The following UCN3 variants were observed in gnomAD, a reference collection of about 807,000 sequenced individuals.
UCN3 encodes the protein urocortin 3.
A neutral mutation model predicts 3.6 loss-of-function variants in UCN3; 3 were observed. That is an observed-to-expected ratio of 0.83 (90% confidence interval 0.38 to 2.15). The LOEUF (loss-of-function observed/expected upper bound fraction) is 2.15. UCN3 is among the 30% of genes most tolerant of loss of function. UCN3 has a pLI of 0.06. For synonymous variants in UCN3, 100 were observed against 93.2 expected (o/e 1.07, Z -0.42); for missense variants, 206 against 208.3 (o/e 0.99, Z 0.07).
chr10:5,369,899 ATATGTG>A (rs1831319684), intron 1 of UCN3, among the ~76,000 whole-genome samples: 2 of 88,080 alleles, frequency 2.3e-5, no homozygotes, highest in African/African-American at 1.1e-4. Flanking sequence ...GTGTGTGTGT[ATATGTG>A]TGTGTGTATA....
At position 5,365,591 on chromosome 10, in the gene UCN3, G is replaced by A. The variant is rs1482150153; in HGVS notation, c.-7+361G>A. Among the ~76,000 whole-genome samples the A allele has an allele frequency of 6.6e-6, 1 of 152,212 alleles. No homozygotes were observed. The highest frequency in any genetic ancestry group is 1.5e-5 in the Non-Finnish European group (1 of 68,038). On this transcript the variant is annotated intron_variant, in intron 1 of 1. Coordinates refer to ENST00000380433, the MANE Select transcript of UCN3 (RefSeq NM_053049.4). This position sits in a 1 kb window ranked among gnomAD's most constrained non-coding sequence, Gnocchi z 4.4. ...ACAGTTTACAAATGGGGATGGGGTA[G>A]GGATGCCGGGGCTAATGGGAGCCAC...
Position 5,365,968 on chromosome 10 carries a change from A to C in UCN3, c.-7+738A>C, listed in dbSNP as rs1205809834. The stretch of plus-strand genomic sequence containing the variant: ...ATGTTTTCTGAAAATTCCTGTTCGC[A>C]ATTTCTTTCCCAAGCATAGCCACCT... On this transcript the variant is annotated intron_variant, in intron 1 of 1. Transcript: ENST00000380433. The surrounding 1 kb of genome is among the most constrained non-coding windows in gnomAD (Gnocchi z 4.4). 2.0e-5 allele frequency among the ~76,000 whole-genome samples: 3 copies of C among 152,306 alleles called. No homozygotes were observed. The East Asian group carries it at 5.8e-4, about 29-fold the overall frequency.
Position 5,367,668 on chromosome 10 carries a change from G to A in UCN3, c.-7+2438G>A, listed in dbSNP as rs1834129359. On this transcript the variant is annotated intron_variant, in intron 1 of 1. Coordinates refer to ENST00000380433, the MANE Select transcript of UCN3 (RefSeq NM_053049.4). This position sits in a 1 kb window ranked among gnomAD's most constrained non-coding sequence, Gnocchi z 4.3. ...AAAGTGTCTTTAAGGGGTGGAGATA[G>A]ACAGGTAAACTCAAGTGTTGATTTA... Among the ~76,000 whole-genome samples the A allele has an allele frequency of 6.6e-6, 1 of 152,176 alleles. No individual in the cohort carries two copies. The highest frequency in any genetic ancestry group is 2.1e-4 in the South Asian group (1 of 4,832).
chr10:5,365,951 T>C lies in UCN3; in HGVS notation c.-7+721T>C, dbSNP rs1554810674. On this transcript the variant is annotated intron_variant, in intron 1 of 1. Transcript: ENST00000380433. This position sits in a 1 kb window ranked among gnomAD's most constrained non-coding sequence, Gnocchi z 4.4. ...ATGGATGTTTGATGTTTATGTTTTCTGAAAATTCCTGTTCGCAATTTCTTT... is the reference window on the plus strand; with the variant it reads ...ATGGATGTTTGATGTTTATGTTTTCCGAAAATTCCTGTTCGCAATTTCTTT... Among the ~76,000 whole-genome samples the C allele has an allele frequency of 6.6e-6, 1 of 152,236 alleles. No homozygotes were observed. The highest frequency in any genetic ancestry group is 1.5e-5 in the Non-Finnish European group (1 of 68,042).
rs1363968141 is a variant in UCN3 at position 5,369,976 on chromosome 10, TGC to T, written c.-6-3737_-6-3736del. Among the ~76,000 whole-genome samples, 10 of 124,936 alleles carry T rather than the reference TGC, an allele frequency of 8.0e-5. 1 individual carries two copies. The highest frequency in any genetic ancestry group is 5.5e-4 in the South Asian group (2 of 3,608). 82.0% of individuals were successfully genotyped at this position (124,936 alleles called of 152,430 possible). A position where few individuals can be genotyped will look rare whatever the true frequency, so the allele number is the denominator to read the frequency against. ...ATGTGTGTGTATATGCGTGTGTATA[TGC>T]GTGTGTATATGTGTGTATGTGTGTG... On this transcript the variant is annotated intron_variant, in intron 1 of 1. Coordinates refer to ENST00000380433, the MANE Select transcript of UCN3 (RefSeq NM_053049.4).
intron 1 of UCN3, among the ~76,000 whole-genome samples, chr10:5,370,850 C>CGCATGTGTGTGCGTGTGTGT (rs782178660): frequency 6.3e-5 from 4 of 63,652 alleles, no homozygotes; most frequent in African/African-American, 1.2e-4. Flanking sequence ...CGTGTGTGTG[C>CGCATGTGTGTGCGTGTGTGT]GCGTGTGTGT....
rs1564442093 is a variant in UCN3 at position 5,369,927 on chromosome 10, G to GTGTGTGTA, written c.-6-3781_-6-3780insATGTGTGT. On this transcript the variant is annotated intron_variant, in intron 1 of 1. Coordinates refer to ENST00000380433, the MANE Select transcript of UCN3 (RefSeq NM_053049.4). ...TGTGTGTGTGTATATGTGTGTGTATGTGTGTGTGTGTATGTGTGTGTATAT... is the reference window on the plus strand; with the variant it reads ...TGTGTGTGTGTATATGTGTGTGTATGTGTGTGTATGTGTGTGTGTATGTGTGTGTATAT... Among the ~76,000 whole-genome samples the GTGTGTGTA allele has an allele frequency of 5.3e-4, 33 of 62,012 alleles. 9 individuals carry two copies. The highest frequency in any genetic ancestry group is 3.3e-3 in the Admixed American group (15 of 4,530). 40.7% of individuals were successfully genotyped at this position (62,012 alleles called of 152,430 possible). A position where few individuals can be genotyped will look rare whatever the true frequency, so the allele number is the denominator to read the frequency against.
intron 1 of UCN3, among the ~76,000 whole-genome samples, chr10:5,373,007 T>C (rs1554811682): frequency 6.6e-6 from 1 of 152,064 alleles, no homozygotes; most frequent in East Asian, 1.9e-4. Flanking sequence ...ATCTTAGAGA[T>C]CATAGACAGT....
At chr10:5,369,634 C>G (rs555786525) in intron 1 of UCN3, among the ~76,000 whole-genome samples, 1 of 152,304 alleles carries the variant, frequency 6.6e-6, no homozygotes, top group East Asian at 1.9e-4. Flanking sequence ...TAGGTTTGGA[C>G]TATTTAAAGC....
rs1185654505 is a variant in UCN3 at position 5,374,089 on chromosome 10, C to T, written c.369C>T (p.Ser123=). The T allele has an allele frequency of 6.2e-7, 1 of 1,613,654 alleles. No homozygotes were observed. Among genetic ancestry groups the T allele is most frequent in the African/African-American group, 1.3e-5 (1 of 74,844 alleles). The part of the protein sequence containing the change: ...KSPHRTKFTL[S]LDVPTNIMNL... ...CCCACCGCACCAAGTTCACCCTGTC[C>T]CTCGACGTCCCCACCAACATCATGA... Residue 123 remains serine, a synonymous_variant, in exon 2 of 2, where the codon TCC becomes TCT. Transcript: ENST00000380433.
intron 1 of UCN3, among the ~76,000 whole-genome samples, chr10:5,368,936 G>A (rs1268262350): frequency 6.6e-6 from 1 of 152,178 alleles, no homozygotes; most frequent in African/African-American, 2.4e-5. Flanking sequence ...TTCTCAGAGT[G>A]TGGCCCTCAG....
At chr10:5,370,437 GCGTGTGTA>G (rs1831364342) in intron 1 of UCN3, among the ~76,000 whole-genome samples, 1 of 110,844 alleles carries the variant, frequency 9.0e-6, no homozygotes, top group Admixed American at 1.0e-4. Context: ...GTGTGTATAT[GCGTGTGTA>G]TGTGTGTGTG....
intron 1 of UCN3, 121 bp from the exon 2 acceptor site, chr10:5,373,594 G>T: frequency 6.9e-7 from 1 of 1,457,388 alleles, no homozygotes; most frequent in Non-Finnish European, 9.2e-7. Context: ...TGGTCTGGGG[G>T]TCATACTTGG....
chr10:5,370,824 CGCGCGTGTGTGTGCGCGTGTGTGT>C (rs1355556540), intron 1 of UCN3, among the ~76,000 whole-genome samples: 40 of 82,968 alleles, frequency 4.8e-4, no homozygotes, highest in Middle Eastern at 0.012. Flanking sequence ...CGTGTGTGTG[CGCGCGTGTGTGTGCGCGTGTGTGT>C]GCGCGTGTGT....
intron 1 of UCN3, among the ~76,000 whole-genome samples, chr10:5,370,349 A>ATATGTGTGTG (rs1831357415): frequency 2.9e-5 from 1 of 34,206 alleles, no homozygotes; most frequent in Non-Finnish European, 5.0e-5. Flanking sequence ...ATGCGTGTGT[A>ATATGTGTGTG]TATGTGTGTG....
chr10:5,373,037 G>A (rs1016440094), intron 1 of UCN3, among the ~76,000 whole-genome samples: 12 of 152,036 alleles, frequency 7.9e-5, no homozygotes, highest in Admixed American at 4.6e-4. Context: ...GAGGTCCTGC[G>A]GTTGGAGGAC....
rs1411459934 is a variant in UCN3, at chr10:5,370,088, TGC to T, written c.-6-3625_-6-3624del. 4.5e-4 allele frequency among the ~76,000 whole-genome samples: 51 copies of T among 112,964 alleles called. 6 individuals are homozygous for T. The highest frequency in any genetic ancestry group is 0.011 in the Middle Eastern group (2 of 188). The allele number at this position is 112,964 out of a possible 152,430, so 74.1% of individuals were successfully genotyped here. ...ATATGTGTGTATATGCGTGTGTATATGCGTGTGTATATGCGTGTGTATATGTG... is the reference window on the plus strand; with the variant it reads ...ATATGTGTGTATATGCGTGTGTATATGTGTGTATATGCGTGTGTATATGTG... On this transcript the variant is annotated intron_variant, in intron 1 of 1. Coordinates refer to ENST00000380433, the MANE Select transcript of UCN3 (RefSeq NM_053049.4).
Position 5,373,782 on chromosome 10 carries a change from G to T in UCN3, c.62G>T (p.Gly21Val). 2 of 1,613,872 alleles carry T rather than the reference G, an allele frequency of 1.2e-6. No homozygotes were observed. The highest frequency in any genetic ancestry group is 8.5e-7 in the Non-Finnish European group (1 of 1,179,914). Residue 21 changes from glycine (G) to valine (V), a missense_variant, in exon 2 of 2, where the codon GGC becomes GTC. Physicochemically the swap from Gly to Val is moderately radical, Grantham distance 109. Transcript: ENST00000380433. ...LLLLLGGPRT[G>V]LPHKFYKAKP... ...CTGCTCCTGGGGGGCCCCAGGACAG[G>T]CCTCCCCCACAAGTTCTACAAAGCC...
intron 1 of UCN3, among the ~76,000 whole-genome samples, chr10:5,370,809 G>T (rs1397480749): frequency 7.7e-6 from 1 of 129,226 alleles, no homozygotes; most frequent in Admixed American, 7.9e-5. Context: ...GTATATGTGT[G>T]TGTGCGTGTG....
Sources: allele counts gnomAD v4.1 joint callset (sites outside exome capture counted in the v4.1 genomes callset), GRCh38; gene constraint gnomAD v4.1.1; non-coding constraint Gnocchi (gnomAD v3.1); transcripts MANE v1.5; gene names NCBI Gene and HGNC (gene_info 2026-07-23, HGNC 2026-07-21).